The following CFAP54 variants were observed in gnomAD, a reference collection of about 807,000 sequenced individuals.
CFAP54 encodes cilia- and flagella-associated protein 54.
Under a neutral mutation model 370.4 loss-of-function variants are expected in CFAP54, and 290 were observed. The observed-to-expected ratio is 0.78, with a 90% CI of 0.71 to 0.86. The LOEUF is 0.86. CFAP54 is among the 40% of genes least tolerant of loss of function. The pLI is 0.00. For missense variants in CFAP54, 3,399 were observed against 3,528.7 expected (o/e 0.96, Z 0.93); for synonymous variants, 1,206 against 1,236.5 (o/e 0.98, Z 0.52).
At chr12:96,515,007 GTTC>G (rs1262212023) in intron 5 of CFAP54, among the ~76,000 whole-genome samples, 4 of 147,354 alleles carry the variant, frequency 2.7e-5, no homozygotes, top group Non-Finnish European at 4.5e-5. Flanking sequence ...AATGAGTATA[GTTC>G]TTTTTTTTTT....
At chr12:96,594,567 T>A (rs1012356553) in intron 25 of CFAP54, 121 bp downstream of exon 25, 3 of 674,050 alleles carry the variant, frequency 4.5e-6, no homozygotes, top group Non-Finnish European at 6.7e-6. Flanking sequence ...ATCAGTATTA[T>A]GAAATTTTAG....
At chr12:96,826,845 ATTATATAATATATTATATAATAT>A in intron 65 of CFAP54, among the ~76,000 whole-genome samples, 1 of 114,990 alleles carries the variant, frequency 8.7e-6, no homozygotes, top group Admixed American at 1.1e-4. Context: ...ATCATATAAT[ATTATATAATATATTATATAATAT>A]TATGATATAT....
intron 66 of CFAP54, among the ~76,000 whole-genome samples, chr12:96,834,131 T>A (rs959075176): frequency 4.6e-5 from 7 of 151,504 alleles, no homozygotes; most frequent in African/African-American, 1.7e-4. Flanking sequence ...AAATAAGGGG[T>A]GAGAAAGTAG....
In CFAP54 at chr12:96,783,131, T is replaced by C. The variant is rs80280582; in HGVS notation, c.8282-1586T>C. ...AGTTCTAAAAAGATAAAGTTAACAATGTTTTATTTATTACATGTTATGTAA... is the reference window on the plus strand; with the variant it reads ...AGTTCTAAAAAGATAAAGTTAACAACGTTTTATTTATTACATGTTATGTAA... On this transcript the variant is annotated intron_variant, in intron 60 of 67. Coordinates refer to ENST00000524981, the MANE Select transcript of CFAP54 (RefSeq NM_001306084.2). Among the ~76,000 whole-genome samples the C allele has an allele frequency of 6.8e-3, 1,043 of 152,294 alleles. 9 individuals carry two copies. The highest frequency in any genetic ancestry group is 0.023 in the African/African-American group (969 of 41,574).
At chr12:96,544,935 G>A (rs1278619869) in intron 14 of CFAP54, among the ~76,000 whole-genome samples, 1 of 151,222 alleles carries the variant, frequency 6.6e-6, no homozygotes, top group Admixed American at 6.6e-5. Flanking sequence ...CCTTTGAGAC[G>A]GAGTCTCGCT....
At chr12:96,660,277 G>A (rs1287492978) in intron 38 of CFAP54, among the ~76,000 whole-genome samples, 3 of 152,182 alleles carry the variant, frequency 2.0e-5, no homozygotes, top group African/African-American at 7.2e-5. Context: ...AGGGGCATGG[G>A]AGAAAGAGGA....
intron 25 of CFAP54, among the ~76,000 whole-genome samples, 188 bp from the exon 26 acceptor site, chr12:96,598,457 A>G (rs1242021519): frequency 2.0e-5 from 3 of 151,966 alleles, no homozygotes; most frequent in African/African-American, 7.2e-5. Context: ...TGAAGGACTA[A>G]TCTCAAAATT....
chr12:96,526,193 A>G (rs544475863), intron 8 of CFAP54, among the ~76,000 whole-genome samples: 44 of 152,220 alleles, frequency 2.9e-4, no homozygotes, highest in Non-Finnish European at 8.8e-5. Context: ...ATTCTAGAAA[A>G]GCCTACTAAA....
chr12:96,654,656 AACTC>A (rs1486146633), intron 36 of CFAP54, among the ~76,000 whole-genome samples: 1 of 151,930 alleles, frequency 6.6e-6, no homozygotes. Context: ...CTGCTCCTTT[AACTC>A]ACTCACTTGT....
At chr12:96,569,461 C>G (rs560848817) in intron 19 of CFAP54, among the ~76,000 whole-genome samples, 1 of 152,284 alleles carries the variant, frequency 6.6e-6, no homozygotes, top group South Asian at 2.1e-4. Context: ...GTTGGCAATT[C>G]ATTCATCCTC....
At chr12:96,707,837 A>G (rs1429973060) in intron 47 of CFAP54, among the ~76,000 whole-genome samples, 1 of 152,070 alleles carries the variant, frequency 6.6e-6, no homozygotes, top group Non-Finnish European at 1.5e-5. Context: ...TGGAGGAAGC[A>G]AGGTCATTGG....
chr12:96,850,842 C>T (rs1386843107), intron 66 of CFAP54, among the ~76,000 whole-genome samples: 1 of 152,112 alleles, frequency 6.6e-6, no homozygotes, highest in Non-Finnish European at 1.5e-5. Context: ...ATCGAGCAAT[C>T]AGATCTCTTG....
At chr12:96,839,023 C>T (rs1959195720) in intron 66 of CFAP54, among the ~76,000 whole-genome samples, 2 of 152,124 alleles carry the variant, frequency 1.3e-5, no homozygotes, top group South Asian at 2.1e-4. Context: ...GATTCTTGCT[C>T]ATTCAAATGG....
At chr12:96,577,651 C>T (rs1310277999) in intron 20 of CFAP54, among the ~76,000 whole-genome samples, 9 of 146,858 alleles carry the variant, frequency 6.1e-5, no homozygotes, top group African/African-American at 1.5e-4. Context: ...TTTTTTTTTT[C>T]ATTTGGAAAG....
intron 66 of CFAP54, among the ~76,000 whole-genome samples, chr12:96,833,806 GTAATAT>G (rs1242738805): frequency 6.6e-6 from 1 of 152,024 alleles, no homozygotes; most frequent in East Asian, 1.9e-4. Flanking sequence ...ACTGCTAGTA[GTAATAT>G]TAATAGTTAA....
At chr12:96,781,104 A>C (rs924779951) in intron 60 of CFAP54, among the ~76,000 whole-genome samples, 3 of 152,192 alleles carry the variant, frequency 2.0e-5, no homozygotes, top group African/African-American at 7.2e-5. Context: ...CCAGCTATGC[A>C]GTAGTCTAGA....
chr12:96,809,721 T>C (rs116208014), intron 63 of CFAP54, among the ~76,000 whole-genome samples: 2,325 of 152,288 alleles, frequency 0.015, 76 homozygotes, highest in African/African-American at 0.054. Context: ...TAGTTAGATA[T>C]TGACTTGTGG....
chr12:96,871,720 C>G (rs1960173948), intron 67 of CFAP54, among the ~76,000 whole-genome samples: 1 of 151,814 alleles, frequency 6.6e-6, no homozygotes, highest in Non-Finnish European at 1.5e-5. Context: ...GGAAAAAGAA[C>G]CAAATGGAAA....
At chr12:96,743,008 G>T (rs1958069460) in intron 52 of CFAP54, among the ~76,000 whole-genome samples, 1 of 152,086 alleles carries the variant, frequency 6.6e-6, no homozygotes, top group Non-Finnish European at 1.5e-5. Context: ...GGAGACAATT[G>T]TACCTACTTT....
Sources: allele counts gnomAD v4.1 joint callset (sites outside exome capture counted in the v4.1 genomes callset), GRCh38; gene constraint gnomAD v4.1.1; transcripts MANE v1.5; gene names NCBI Gene and HGNC (gene_info 2026-07-23, HGNC 2026-07-21).